Variants in TM9SF2 observed in about 807,000 individuals in gnomAD.
TM9SF2 encodes transmembrane 9 superfamily member 2.
Under a neutral mutation model 84.9 loss-of-function variants are expected in TM9SF2, and 13 were observed. The observed-to-expected ratio is 0.15, with a 90% confidence interval of 0.10 to 0.24. TM9SF2 has a LOEUF of 0.24. TM9SF2 is among the 10% of genes least tolerant of loss of function. The pLI is 1.00. For missense variants in TM9SF2, 562 were observed against 818.5 expected (o/e 0.69, Z 3.82); for synonymous variants, 273 against 285.8 (o/e 0.96, Z 0.45).
At chr13:99,553,619 AT>A (rs2046314418) in intron 13 of TM9SF2, among the ~76,000 whole-genome samples, 1 of 152,232 alleles carries the variant, frequency 6.6e-6, no homozygotes, top group African/African-American at 2.4e-5. Context: ...CAAGTTTTAA[AT>A]TTTGGTTTAT....
intron 1 of TM9SF2, among the ~76,000 whole-genome samples, chr13:99,517,323 G>T (rs1350122679): frequency 1.3e-5 from 2 of 152,000 alleles, no homozygotes; most frequent in East Asian, 1.9e-4. Flanking sequence ...ACGGGGTCTC[G>T]CTGTATTGCC....
intron 3 of TM9SF2, among the ~76,000 whole-genome samples, chr13:99,527,173 C>T (rs1476843700): frequency 6.6e-6 from 1 of 152,076 alleles, no homozygotes; most frequent in Non-Finnish European, 1.5e-5. Context: ...ACATGGAAAT[C>T]CTGGACTTCT....
At chr13:99,558,161 A>G (rs1393770909) in intron 15 of TM9SF2, among the ~76,000 whole-genome samples, 1 of 152,222 alleles carries the variant, frequency 6.6e-6, no homozygotes, top group African/African-American at 2.4e-5. Context: ...TGGACTCTCA[A>G]TACTATTCCA....
At chr13:99,509,370 A>G (rs1011259835) in intron 1 of TM9SF2, among the ~76,000 whole-genome samples, 1 of 152,168 alleles carries the variant, frequency 6.6e-6, no homozygotes, top group Non-Finnish European at 1.5e-5. Flanking sequence ...TCCCCTCCAC[A>G]CTGCCCTACT....
intron 3 of TM9SF2, among the ~76,000 whole-genome samples, chr13:99,525,540 G>A (rs959602367): frequency 2.7e-5 from 4 of 150,876 alleles, no homozygotes; most frequent in Admixed American, 2.0e-4. Flanking sequence ...GCCCCAAAGA[G>A]GACTTATGAT....
chr13:99,523,131 T>C (rs182675336), intron 3 of TM9SF2, among the ~76,000 whole-genome samples: 23 of 152,300 alleles, frequency 1.5e-4, no homozygotes, highest in Non-Finnish European at 3.1e-4. Flanking sequence ...CATTTCACTA[T>C]TGATTCTTTA....
At position 99,507,119 on chromosome 13, in the gene TM9SF2, T is replaced by C. The variant is rs149780123; in HGVS notation, c.171+5342T>C. 6.2e-3 allele frequency among the ~76,000 whole-genome samples: 939 copies of C among 152,310 alleles called. 8 individuals are homozygous for C. Among genetic ancestry groups the C allele is most frequent in the Non-Finnish European group, 0.011 (747 of 68,036 alleles). On this transcript the variant is annotated intron_variant, in intron 1 of 16. Coordinates refer to ENST00000376387, the MANE Select transcript of TM9SF2 (RefSeq NM_004800.3). ...TAAATTTCATAACATCTCTGTGATA[T>C]TTAGATGAGGAAACAGAAGCTCAAT...
At chr13:99,547,902 C>T (rs1249011871) in intron 11 of TM9SF2, among the ~76,000 whole-genome samples, 1 of 152,156 alleles carries the variant, frequency 6.6e-6, no homozygotes, top group Admixed American at 6.5e-5. Context: ...GTCTCAGCCC[C>T]CAGTAAAAGA....
intron 1 of TM9SF2, chr13:99,514,395 T>A (rs1264391719): frequency 1.3e-5 from 2 of 152,222 alleles, no homozygotes; most frequent in African/African-American, 4.8e-5. Context: ...TTAGATGTGT[T>A]TAGCTACACA....
chr13:99,560,648 T>C (rs572192236), intron 16 of TM9SF2, among the ~76,000 whole-genome samples: 16 of 152,292 alleles, frequency 1.1e-4, no homozygotes, highest in African/African-American at 2.9e-4. Flanking sequence ...AATGATAGCT[T>C]AACCATCACC....
chr13:99,529,738 A>C, intron 4 of TM9SF2, 144 bp downstream of exon 4: 2 of 822,230 alleles, frequency 2.4e-6, no homozygotes, highest in Non-Finnish European at 3.5e-6. Flanking sequence ...CGTAGCTTGA[A>C]GTAGTGACTC....
At chr13:99,504,269 G>C (rs892427672) in intron 1 of TM9SF2, among the ~76,000 whole-genome samples, 2 of 152,208 alleles carry the variant, frequency 1.3e-5, no homozygotes, top group African/African-American at 4.8e-5. Context: ...AGAAATGAGA[G>C]TTGTGAAATG....
intron 16 of TM9SF2, among the ~76,000 whole-genome samples, chr13:99,561,591 T>C (rs1377417964): frequency 1.3e-5 from 2 of 152,212 alleles, no homozygotes; most frequent in South Asian, 2.1e-4. Context: ...TTGCATATAG[T>C]AGGGCCTCAA....
Position 99,543,901 on chromosome 13 carries a change from T to C in TM9SF2, c.1056T>C (p.His352=), listed in dbSNP as rs778474831. Residue 352 remains histidine, a synonymous_variant, in exon 10 of 17, where the codon CAT becomes CAC. Coordinates refer to ENST00000376387, the MANE Select transcript of TM9SF2 (RefSeq NM_004800.3). ...AQEEFGWKLV[H]GDIFRPPRKG... ...AAGAATTTGGCTGGAAACTTGTTCA[T>C]GGTGATATATTCCGTCCTCCAAGAA... is the stretch of plus-strand genomic sequence containing the variant. 2.5e-6 allele frequency: 4 copies of C among 1,614,186 alleles called. No homozygotes were observed. In the East Asian group the frequency reaches 8.9e-5, roughly 36 times the overall value.
intron 15 of TM9SF2, among the ~76,000 whole-genome samples, chr13:99,558,337 T>G (rs1019908773): frequency 1.3e-5 from 2 of 152,226 alleles, no homozygotes; most frequent in African/African-American, 4.8e-5. Context: ...GAGGATTAAC[T>G]TTTCCAATCT....
At chr13:99,538,547 C>T (rs868324592) in intron 6 of TM9SF2, among the ~76,000 whole-genome samples, 4 of 151,578 alleles carry the variant, frequency 2.6e-5, no homozygotes, top group African/African-American at 7.3e-5. Context: ...GTAATCTGAA[C>T]ACTTTGGGAA....
chr13:99,522,036 T>G (rs1453679933), intron 3 of TM9SF2, among the ~76,000 whole-genome samples: 1 of 152,170 alleles, frequency 6.6e-6, no homozygotes, highest in Non-Finnish European at 1.5e-5. Flanking sequence ...TTTTTTCTTT[T>G]TCGAGACAGA....
At chr13:99,557,047 A>G (rs1468457999) in intron 15 of TM9SF2, among the ~76,000 whole-genome samples, 2 of 152,206 alleles carry the variant, frequency 1.3e-5, no homozygotes, top group Non-Finnish European at 2.9e-5. Context: ...TGAGGTATAT[A>G]TCTAGGAGTG....
At chr13:99,515,815 C>T (rs965989318) in intron 1 of TM9SF2, among the ~76,000 whole-genome samples, 10 of 151,392 alleles carry the variant, frequency 6.6e-5, no homozygotes, top group Non-Finnish European at 1.5e-5. Context: ...TCACTGCAAC[C>T]TCTGCCTCCA....
Sources: allele counts gnomAD v4.1 joint callset (sites outside exome capture counted in the v4.1 genomes callset), GRCh38; gene constraint gnomAD v4.1.1; transcripts MANE v1.5; gene names NCBI Gene and HGNC (gene_info 2026-07-23, HGNC 2026-07-21).